PREX2: variants seen among roughly 807,000 people sequenced by gnomAD.
PREX2 encodes the protein phosphatidylinositol 3,4,5-trisphosphate-dependent Rac exchanger 2 protein.
PREX2 carries 107 observed loss-of-function variants against 203.2 expected under a neutral mutation model. The observed-to-expected ratio is 0.53, with a 90% CI of 0.45 to 0.62. PREX2 has a LOEUF of 0.62. Among genes scored for constraint, PREX2 ranks in the 20% least tolerant of loss-of-function variants. PREX2 has a pLI of 0.00. For missense variants in PREX2, 1,777 were observed against 1,955.9 expected (o/e 0.91, Z 1.72); for synonymous variants, 672 against 663.6 (o/e 1.01, Z -0.19).
intron 13 of PREX2, among the ~76,000 whole-genome samples, 171 bp from the exon 14 acceptor site, chr8:68,072,324 A>T (rs1245186052): frequency 6.6e-6 from 1 of 152,176 alleles, no homozygotes; most frequent in Non-Finnish European, 1.5e-5. Flanking sequence ...GGTGTTTTAC[A>T]TGCATAATAA....
intron 25 of PREX2, among the ~76,000 whole-genome samples, chr8:68,113,152 T>C (rs1056359006): frequency 8.5e-5 from 13 of 152,226 alleles, no homozygotes; most frequent in African/African-American, 3.1e-4. Context: ...AGAAATTTTA[T>C]GCAAAACATG....
At chr8:68,043,231 T>C (rs1471333503) in intron 7 of PREX2, among the ~76,000 whole-genome samples, 2 of 152,058 alleles carry the variant, frequency 1.3e-5, no homozygotes, top group Non-Finnish European at 2.9e-5. Context: ...CATTTAGAGG[T>C]TGCTTTCAAA....
intron 1 of PREX2, among the ~76,000 whole-genome samples, chr8:67,985,379 A>T (rs1023557071): frequency 6.6e-6 from 1 of 152,132 alleles, no homozygotes; most frequent in South Asian, 2.1e-4. Context: ...AATTTCAATG[A>T]CCATATTTGT....
intron 1 of PREX2, among the ~76,000 whole-genome samples, chr8:67,958,555 G>A (rs1483249403): frequency 6.6e-6 from 1 of 152,200 alleles, no homozygotes; most frequent in Non-Finnish European, 1.5e-5. Flanking sequence ...AACAAAGATT[G>A]AAGTCTAGTT....
At position 68,008,382 on chromosome 8, in the gene PREX2, A is replaced by G. The variant is rs16933999; in HGVS notation, c.142-9464A>G. ...GAAAAGGAAAGGAAACAAATTGCAG[A>G]CTAAGGAAGGGGTGATATGTTGAAT... On this transcript the variant is annotated intron_variant, in intron 1 of 39. Transcript: ENST00000288368. Among the ~76,000 whole-genome samples the G allele has an allele frequency of 1.6e-3, 238 of 152,276 alleles. 2 individuals are homozygous for G. Among genetic ancestry groups the G allele is most frequent in the Admixed American group, 9.3e-3 (143 of 15,302 alleles).
intron 1 of PREX2, among the ~76,000 whole-genome samples, chr8:68,013,673 G>T (rs912261040): frequency 1.3e-5 from 2 of 152,002 alleles, no homozygotes; most frequent in African/African-American, 4.8e-5. Context: ...TACCCTTATT[G>T]TTTTTTTCTC....
chr8:67,961,705 G>A lies in PREX2; in HGVS notation c.141+9170G>A, dbSNP rs762238199. Among the ~76,000 whole-genome samples, 195 of 152,144 alleles carry A rather than the reference G, an allele frequency of 1.3e-3. 1 individual carries two copies. In the Middle Eastern group the frequency reaches 0.031, roughly 24 times the overall value. ...AAGAGTTCAATGATTGAAATTTTAA[G>A]AAAATGATATGTTAATTTGAAGTTA... On this transcript the variant is annotated intron_variant, in intron 1 of 39. Transcript: ENST00000288368.
At position 68,063,484 on chromosome 8, in the gene PREX2, C is replaced by A. The variant is rs1040937038; in HGVS notation, c.1339+2705C>A. On this transcript the variant is annotated intron_variant, in intron 11 of 39. Coordinates refer to ENST00000288368, the MANE Select transcript of PREX2 (RefSeq NM_024870.4). ...GGCTGAGCCTCTGTCAGACCCTAGA[C>A]CCTGCATGAGGAGAGCACCATCACT... Among the ~76,000 whole-genome samples the A allele has an allele frequency of 2.6e-5, 4 of 152,082 alleles. No homozygotes were observed. The East Asian group carries it at 5.8e-4, about 22-fold the overall frequency.
intron 23 of PREX2, chr8:68,102,870 T>G (rs1160808524): frequency 1.9e-6 from 1 of 518,532 alleles, no homozygotes; most frequent in South Asian, 1.4e-5. Flanking sequence ...ACCTTACTGA[T>G]GACCTGGATG....
chr8:68,027,156 G>A, intron 4 of PREX2, 66 bp from the exon 5 acceptor site: 3 of 1,179,684 alleles, frequency 2.5e-6, no homozygotes, highest in Admixed American at 1.7e-5. Flanking sequence ...GCATTTTATG[G>A]TGGAAGAAAG....
intron 35 of PREX2, among the ~76,000 whole-genome samples, chr8:68,162,219 A>G (rs1585837422): frequency 7.0e-6 from 1 of 142,026 alleles, no homozygotes; most frequent in African/African-American, 2.4e-5. Context: ...TGAAAAACCT[A>G]AAAAGTAAGT....
chr8:68,191,610 CT>C, intron 35 of PREX2, 111 bp from the exon 36 acceptor site: 1 of 742,674 alleles, frequency 1.3e-6, no homozygotes, highest in Non-Finnish European at 2.3e-6. Flanking sequence ...ATGTTCAATG[CT>C]TTTGTTTATT....
chr8:67,952,492 A>G lies in PREX2; in HGVS notation c.98A>G (p.Lys33Arg), dbSNP rs1805378394. ...GTGTGCGTGCTCAGCGAGCTCCAGA[A>G]GACCGAGCGGGACTATGTGGGCACG... ...LRVCVLSELQ[K>R]TERDYVGTLE... Residue 33 changes from lysine to arginine, a missense_variant, in exon 1 of 40, where the codon AAG becomes AGG. Physicochemically the swap from Lys to Arg is conservative, Grantham distance 26. Transcript: ENST00000288368. 1 of 1,609,320 alleles carries G rather than the reference A, an allele frequency of 6.2e-7. No homozygotes were observed. The highest frequency in any genetic ancestry group is 8.5e-7 in the Non-Finnish European group (1 of 1,178,032).
At chr8:68,185,063 C>T (rs911851845) in intron 35 of PREX2, among the ~76,000 whole-genome samples, 1 of 152,108 alleles carries the variant, frequency 6.6e-6, no homozygotes, top group Non-Finnish European at 1.5e-5. Flanking sequence ...CATCAGTTCC[C>T]TATTTATATT....
intron 35 of PREX2, among the ~76,000 whole-genome samples, chr8:68,162,412 A>G (rs1015714407): frequency 6.6e-6 from 1 of 152,148 alleles, no homozygotes; most frequent in African/African-American, 2.4e-5. Context: ...ATGTTTCAGT[A>G]TTTTAACTTA....
chr8:68,067,047 A>G (rs749871883), intron 11 of PREX2, among the ~76,000 whole-genome samples: 54 of 152,146 alleles, frequency 3.5e-4, no homozygotes, highest in Middle Eastern at 3.4e-3. Flanking sequence ...AAATCTGTGA[A>G]TTTATTTCTG....
At chr8:68,049,400 A>G (rs76764793) in intron 8 of PREX2, among the ~76,000 whole-genome samples, 2,266 of 152,072 alleles carry the variant, frequency 0.015, 49 homozygotes, top group African/African-American at 0.052. Flanking sequence ...CCTGTTTATA[A>G]TACTTGGATA....
intron 1 of PREX2, among the ~76,000 whole-genome samples, chr8:67,992,515 C>G (rs73261997): frequency 0.13 from 19,051 of 152,100 alleles, 3,266 homozygotes; most frequent in African/African-American, 0.39. Flanking sequence ...TAAAATCTGA[C>G]TTGATCAGAT....
intron 1 of PREX2, 94 bp downstream of exon 1, chr8:67,952,629 C>A: frequency 6.6e-7 from 1 of 1,506,524 alleles, no homozygotes; most frequent in Non-Finnish European, 9.0e-7. Context: ...ATTGTCTGTG[C>A]GGGGACCCGG....
Sources: gnomAD v4.1 joint callset for allele counts (sites outside exome capture counted in the v4.1 genomes callset) on GRCh38, gnomAD v4.1.1 for gene constraint, MANE v1.5 for transcripts, NCBI Gene and HGNC (gene_info 2026-07-23, HGNC 2026-07-21) for gene names.